The following ADPRHL1 variants were observed in gnomAD, a reference collection of about 807,000 sequenced individuals.
ADPRHL1 encodes the protein ADP-ribosylhydrolase like 1.
A neutral mutation model predicts 44.1 loss-of-function variants in ADPRHL1; 43 were observed. The ratio of observed to expected loss-of-function variants is 0.98; its 90% CI spans 0.76 to 1.26. ADPRHL1 has a LOEUF of 1.26. ADPRHL1 is among the 50% of genes most tolerant of loss of function. ADPRHL1 has a pLI of 0.00. For synonymous variants in ADPRHL1, 878 were observed against 1,017.4 expected (o/e 0.86, Z 2.61); for missense variants, 2,022 against 2,496.9 (o/e 0.81, Z 4.05).
intron 2 of ADPRHL1, among the ~76,000 whole-genome samples, chr13:113,442,183 T>C (rs534139238): frequency 1.3e-5 from 2 of 152,348 alleles, no homozygotes; most frequent in South Asian, 2.1e-4. Context: ...AGGCCAGGCA[T>C]GGTGGCTCAC....
At chr13:113,423,824 C>A (rs1320498947) in intron 6 of ADPRHL1, among the ~76,000 whole-genome samples, 1 of 152,232 alleles carries the variant, frequency 6.6e-6, no homozygotes, top group East Asian at 1.9e-4. Flanking sequence ...ATGACGGTGA[C>A]CTTGGAATGG....
Position 113,404,593 on chromosome 13 carries a change from C to A in ADPRHL1, c.4689G>T (p.Glu1563Asp). 1.5e-6 allele frequency: 2 copies of A among 1,293,470 alleles called. No homozygotes were observed. The highest frequency in any genetic ancestry group is 2.4e-5 in the South Asian group (1 of 40,936). 80.1% of individuals were successfully genotyped at this position (1,293,470 alleles called of 1,614,324 possible). The change falls in exon 8 of 8, where the codon GAG (glutamate) becomes GAT (aspartate). Residue 1563 changes from glutamate (E) to aspartate (D), a missense_variant. Around this residue, in one of 8 missense-constraint regions of ADPRHL1, gnomAD observed 32 missense variants for 72.6 expected, o/e 0.44. Coordinates refer to ENST00000612156, the MANE Select transcript of ADPRHL1 (RefSeq NM_001394807.1). ...QEQAQWQTQI[E>D]AQGQAQEPAQ... Reference sequence around the variant, plus strand: ...CTGGTTCCTGTGCCTGCCCCTGGGCCTCTATCTGGGTCTGCCACTGGGCCT... The same window carrying A: ...CTGGTTCCTGTGCCTGCCCCTGGGCATCTATCTGGGTCTGCCACTGGGCCT...
chr13:113,403,579 CG>C lies in ADPRHL1; in HGVS notation c.5702del (p.Pro1901ArgfsTer55). On this transcript the variant is annotated frameshift_variant, in exon 8 of 8. Coordinates refer to ENST00000612156, the MANE Select transcript of ADPRHL1 (RefSeq NM_001394807.1). LOFTEE classifies it low-confidence loss of function (END_TRUNC). The stretch of plus-strand genomic sequence containing the variant: ...GGTGGTCTGGGGACCCCTCCTGGGC[CG>C]GGGCCTGGGGAGTCCCGCAGCCCCC... Reference protein sequence around the residue: ...EAGGCGTPQAPAQEGSPDHPG... With the variant: ...EAGGCGTPQAXAQEGSPDHPG... The C allele has an allele frequency of 8.1e-7, 1 of 1,231,686 alleles. No homozygotes were observed. Among genetic ancestry groups the C allele is most frequent in the Non-Finnish European group, 1.0e-6 (1 of 987,936 alleles). The allele number at this position is 1,231,686 out of a possible 1,614,324, so 76.3% of individuals were successfully genotyped here. A position where few individuals can be genotyped will look rare whatever the true frequency, so the allele number is the denominator to read the frequency against.
At position 113,406,763 on chromosome 13, in the gene ADPRHL1, G is replaced by A. The variant is rs527528212; in HGVS notation, c.2519C>T (p.Pro840Leu). The A allele has an allele frequency of 1.9e-5, 24 of 1,232,012 alleles. No homozygotes were observed. The African/African-American group carries it at 3.6e-4, about 18-fold the overall frequency. 76.3% of individuals were successfully genotyped at this position (1,232,012 alleles called of 1,614,324 possible). A position where few individuals can be genotyped will look rare whatever the true frequency, so the allele number is the denominator to read the frequency against. ...TGGAATTTGGACAGTTATCCGTGGA[G>A]GCTCCGTGGCAGGCTGTGTTCTCCG... ...AARRTQPATE[P>L]PRITVQIPVV... The change falls in exon 8 of 8, where the codon CCT becomes CTT. Residue 840 changes from proline to leucine, a missense_variant. Coordinates refer to ENST00000612156, the MANE Select transcript of ADPRHL1 (RefSeq NM_001394807.1).
In ADPRHL1 at chr13:113,426,308, G is replaced by A. The variant is rs190194330; in HGVS notation, c.647-1129C>T. On this transcript the variant is annotated intron_variant, in intron 4 of 7. Transcript: ENST00000612156. ...TGCCTTACGGTGAGCACCCCTGCCC[G>A]CCACACCCCACCTCCTGCTCCCTGG... Among the ~76,000 whole-genome samples, 1,254 of 152,292 alleles carry A rather than the reference G, an allele frequency of 8.2e-3. 19 individuals are homozygous for A. Among genetic ancestry groups the A allele is most frequent in the African/African-American group, 0.029 (1,190 of 41,564 alleles).
Position 113,400,509 on chromosome 13 carries a change from C to G in ADPRHL1, c.*2869G>C, listed in dbSNP as rs1431562137. On this transcript the variant is annotated 3_prime_UTR_variant, in exon 8 of 8. Coordinates refer to ENST00000612156, the MANE Select transcript of ADPRHL1 (RefSeq NM_001394807.1). ...ACAACTTTGGGTTTTATTTAAAATG[C>G]CCGTGGAGGTGGTTAGCGCCCCATT... The G allele has an allele frequency of 6.6e-6, 1 of 150,846 alleles. No individual in the cohort carries two copies. Among genetic ancestry groups the G allele is most frequent in the African/African-American group, 2.4e-5 (1 of 40,850 alleles). The allele number at this position is 150,846 out of a possible 1,614,324, so 9.3% of individuals were successfully genotyped here.
rs766053164 is a variant in ADPRHL1 at position 113,422,925 on chromosome 13, C to T, written c.962G>A (p.Gly321Asp). 8 of 1,612,850 alleles carry T rather than the reference C, an allele frequency of 5.0e-6. No individual in the cohort carries two copies. In the African/African-American group the frequency reaches 8.0e-5, roughly 16 times the overall value. ...CAAGCCTTTGGGAACGAGGTCCAGG[C>T]CGTACAGCAACCCGAACAGGCAGCC... ...IAGCLFGLLYGLDLVPKGLYQ... is the reference protein window; with the variant it reads ...IAGCLFGLLYDLDLVPKGLYQ... Residue 321 changes from glycine (G) to aspartate (D), a missense_variant, in exon 7 of 8, where the codon GGC becomes GAC. Gly to Asp is a moderately conservative substitution (Grantham distance 94). Transcript: ENST00000612156.
chr13:113,412,599 C>G (rs914256816), intron 7 of ADPRHL1, among the ~76,000 whole-genome samples: 1 of 152,256 alleles, frequency 6.6e-6, no homozygotes, highest in African/African-American at 2.4e-5. Context: ...CTGGTCTCTA[C>G]TTTCCCGAGT....
chr13:113,434,506 G>A lies in ADPRHL1; in HGVS notation c.380-639C>T, dbSNP rs186877704. 3.3e-5 allele frequency among the ~76,000 whole-genome samples: 5 copies of A among 150,846 alleles called. No homozygotes were observed. The East Asian group carries it at 9.8e-4, about 30-fold the overall frequency. On this transcript the variant is annotated intron_variant, in intron 2 of 7. Transcript: ENST00000612156. ...TAGAGTGAACATAGGTGTACCCCGG[G>A]ACCCAGCATCCACATGTAGAGTGAA...
intron 7 of ADPRHL1, among the ~76,000 whole-genome samples, chr13:113,411,497 C>A (rs778082120): frequency 1.3e-5 from 2 of 152,216 alleles, no homozygotes; most frequent in Non-Finnish European, 2.9e-5. Flanking sequence ...ATGAGGTCAG[C>A]GTGTCATCAA....
intron 3 of ADPRHL1, among the ~76,000 whole-genome samples, chr13:113,431,566 A>AG (rs1384056872): frequency 6.6e-6 from 1 of 152,220 alleles, no homozygotes; most frequent in Non-Finnish European, 1.5e-5. Context: ...TGTAACACAA[A>AG]CTGTGGCTCT....
Position 113,422,877 on chromosome 13 carries a change from T to C in ADPRHL1, c.1010A>G (p.Glu337Gly). 4 of 1,612,944 alleles carry C rather than the reference T, an allele frequency of 2.5e-6. No individual in the cohort carries two copies. Among genetic ancestry groups the C allele is most frequent in the Non-Finnish European group, 3.4e-6 (4 of 1,179,990 alleles). The change falls in exon 7 of 8, where the codon GAG becomes GGG. Residue 337 changes from glutamate to glycine, a missense_variant. This residue lies in a region of ADPRHL1 where 1,221 missense variants were observed against 1,517.8 expected (regional missense o/e 0.80). Coordinates refer to ENST00000612156, the MANE Select transcript of ADPRHL1 (RefSeq NM_001394807.1). ...AGCCGCGCCCAGGTCCTCCAGCTTC[T>C]CCTTGTCCTCCAGGTCCTGGTACAA... ...KGLYQDLEDK[E>G]KLEDLGAALY... is the part of the protein sequence containing the mutation.
rs185402932 is a variant in ADPRHL1 at position 113,423,039 on chromosome 13, C to T, written c.908-60G>A. ...ACCTGACCAGGGCCTCTGCAAGACCCCTGGGGCTGGCCGCCCCTAAGGTGG... is the reference window on the plus strand; with the variant it reads ...ACCTGACCAGGGCCTCTGCAAGACCTCTGGGGCTGGCCGCCCCTAAGGTGG... On this transcript the variant is annotated intron_variant, in intron 6 of 7. Coordinates refer to ENST00000612156, the MANE Select transcript of ADPRHL1 (RefSeq NM_001394807.1). 167 of 1,603,102 alleles carry T rather than the reference C, an allele frequency of 1.0e-4. 1 individual carries two copies. The African/African-American group carries it at 2.0e-3, about 19-fold the overall frequency.
intron 1 of ADPRHL1, among the ~76,000 whole-genome samples, chr13:113,445,463 C>A (rs578093390): frequency 6.6e-6 from 1 of 152,238 alleles, no homozygotes; most frequent in African/African-American, 2.4e-5. Context: ...CAGGTGGGGC[C>A]GGCGAGGGCG....
At chr13:113,424,695 T>TCCACCCAC (rs370194038) in intron 5 of ADPRHL1, among the ~76,000 whole-genome samples, 2 of 131,430 alleles carry the variant, frequency 1.5e-5, no homozygotes, top group Admixed American at 8.0e-5. Context: ...TATCCACCCA[T>TCCACCCAC]CCATTCATCC....
rs908036057 is a variant in ADPRHL1, at chr13:113,402,036, C to T, written c.*1342G>A. 6 of 152,274 alleles carry T rather than the reference C, an allele frequency of 3.9e-5. No homozygotes were observed. Among genetic ancestry groups the T allele is most frequent in the Non-Finnish European group, 7.3e-5 (5 of 68,048 alleles). The allele number at this position is 152,274 out of a possible 1,614,324, so 9.4% of individuals were successfully genotyped here. On this transcript the variant is annotated 3_prime_UTR_variant, in exon 8 of 8. Coordinates refer to ENST00000612156, the MANE Select transcript of ADPRHL1 (RefSeq NM_001394807.1). ...AACGCTTAGGGCTGTTTCAGGAAACCGCTCAGTAGCAAAGGCAGAAGATGC... is the reference window on the plus strand; with the variant it reads ...AACGCTTAGGGCTGTTTCAGGAAACTGCTCAGTAGCAAAGGCAGAAGATGC...
At position 113,407,776 on chromosome 13, in the gene ADPRHL1, C is replaced by G; in HGVS notation, c.1506G>C (p.Val502=). ...RWGHPAGKST[V]KNILKIFLAA... ...CCAAGAATATCTTCAGGATGTTTTT[C>G]ACGGTGCTCTTCCCGGCCGGGTGGC... The change falls in exon 8 of 8, where the codon GTG becomes GTC. Residue 502 remains valine, a synonymous_variant. Transcript: ENST00000612156. 8.1e-7 allele frequency: 1 copy of G among 1,232,146 alleles called. No individual in the cohort carries two copies. The highest frequency in any genetic ancestry group is 1.0e-6 in the Non-Finnish European group (1 of 988,088). 76.3% of individuals were successfully genotyped at this position (1,232,146 alleles called of 1,614,324 possible). A position where few individuals can be genotyped will look rare whatever the true frequency, so the allele number is the denominator to read the frequency against.
At chr13:113,436,403 CACCCAGGTGTAGGGT>C (rs2044057105) in intron 2 of ADPRHL1, among the ~76,000 whole-genome samples, 2 of 20,464 alleles carry the variant, frequency 9.8e-5, no homozygotes, top group African/African-American at 1.9e-4. Context: ...CGGGACCCAG[CACCCAGGTGTAGGGT>C]GAACATAGGT....
At position 113,404,052 on chromosome 13, in the gene ADPRHL1, C is replaced by G. The variant is rs1174108642; in HGVS notation, c.5230G>C (p.Ala1744Pro). ...CCCTGTTCCTGAGCCCGTTCCTGAG[C>G]CCCTTTCTGGGCCTGTTCCCGAGCC... ...ERAREQAQKG[A>P]QERAQEQGRE... Residue 1744 changes from alanine (A) to proline (P), a missense_variant, in exon 8 of 8, where the codon GCT becomes CCT. By Grantham distance (27) the Ala-to-Pro change is conservative (BLOSUM62 -1). This residue lies in a region of ADPRHL1 where 24 missense variants were observed against 80.7 expected (regional missense o/e 0.30). Coordinates refer to ENST00000612156, the MANE Select transcript of ADPRHL1 (RefSeq NM_001394807.1). The G allele has an allele frequency of 3.1e-6, 4 of 1,305,026 alleles. No homozygotes were observed. In the East Asian group the frequency reaches 1.3e-4, roughly 41 times the overall value. The allele number at this position is 1,305,026 out of a possible 1,614,324, so 80.8% of individuals were successfully genotyped here.
Sources: gnomAD v4.1 joint callset for allele counts (sites outside exome capture counted in the v4.1 genomes callset) on GRCh38, gnomAD v4.1.1 for gene constraint, gnomAD v4.1.1 regional missense constraint, MANE v1.5 for transcripts, NCBI Gene and HGNC (gene_info 2026-07-23, HGNC 2026-07-21) for gene names.